Variants in PRKG1 observed in about 807,000 individuals in gnomAD.
The protein encoded by PRKG1 is cGMP-dependent protein kinase 1.
PRKG1 carries 35 observed loss-of-function variants against 88.1 expected under a neutral mutation model. The ratio of observed to expected loss-of-function variants is 0.40; its 90% CI spans 0.30 to 0.53. The LOEUF (loss-of-function observed/expected upper bound fraction) is 0.53. Among genes scored for constraint, PRKG1 ranks in the 20% least tolerant of loss-of-function variants. The pLI, the probability that PRKG1 is intolerant of heterozygous loss-of-function variation, is 0.59. For missense variants in PRKG1, 540 were observed against 839.8 expected, an observed-to-expected ratio of 0.64 and a Z score of 4.41; for synonymous variants, 303 against 292.5, an observed-to-expected ratio of 1.04 and a Z score of -0.37.
rs189370073 is a variant in PRKG1, at chr10:51,217,248, A to G, written c.478+63918A>G. Among the ~76,000 whole-genome samples the G allele has an allele frequency of 4.2e-3, 645 of 152,256 alleles. 3 individuals carry two copies. Among genetic ancestry groups the G allele is most frequent in the African/African-American group, 0.015 (607 of 41,566 alleles). On this transcript the variant is annotated intron_variant, in intron 2 of 17. Coordinates refer to ENST00000373980, the MANE Select transcript of PRKG1 (RefSeq NM_006258.4). Reference sequence around the variant, plus strand: ...AAATTACACCTGGAAATATTCTCTGAGTTTACATGAGAGAAGGGAATGGCT... The same window carrying G: ...AAATTACACCTGGAAATATTCTCTGGGTTTACATGAGAGAAGGGAATGGCT...
At chr10:51,147,629 G>A (rs370672502) in intron 1 of PRKG1, among the ~76,000 whole-genome samples, 167 of 152,206 alleles carry the variant, frequency 1.1e-3, no homozygotes, top group African/African-American at 3.7e-3. Flanking sequence ...GAAGGCAATT[G>A]ACAATTGGTA....
chr10:51,557,252 C>T (rs1312071166), intron 3 of PRKG1, among the ~76,000 whole-genome samples: 1 of 151,950 alleles, frequency 6.6e-6, no homozygotes, highest in East Asian at 1.9e-4. Flanking sequence ...GATAACTAAG[C>T]TCATAAGGAG....
chr10:51,866,110 T>C (rs567419425), intron 4 of PRKG1, among the ~76,000 whole-genome samples: 14 of 152,076 alleles, frequency 9.2e-5, no homozygotes, highest in Non-Finnish European at 1.8e-4. Context: ...TTGACTGATA[T>C]GTTGTATTCA....
chr10:51,415,307 T>A (rs1409342363), intron 2 of PRKG1, among the ~76,000 whole-genome samples: 1 of 152,200 alleles, frequency 6.6e-6, no homozygotes, highest in African/African-American at 2.4e-5. Flanking sequence ...TTGTACTCAT[T>A]TTACACATAA....
rs76523662 is a variant in PRKG1, at chr10:51,786,546, A to G, written c.593-18039A>G. ...TCCCTCACCACTAGGGCTAGGTTTG[A>G]TGTTCCTGTGGGAGGCTCCCCACAC... On this transcript the variant is annotated intron_variant, in intron 3 of 17. Transcript: ENST00000373980. Among the ~76,000 whole-genome samples the G allele has an allele frequency of 3.3e-3, 507 of 152,084 alleles. 2 individuals carry two copies. The highest frequency in any genetic ancestry group is 5.8e-3 in the Non-Finnish European group (391 of 67,984).
chr10:51,723,029 T>C (rs917803672), intron 3 of PRKG1, among the ~76,000 whole-genome samples: 10 of 152,186 alleles, frequency 6.6e-5, no homozygotes, highest in Non-Finnish European at 1.5e-4. Flanking sequence ...TAACATCAGG[T>C]TTTGGCTCTT....
intron 3 of PRKG1, among the ~76,000 whole-genome samples, chr10:51,640,566 T>C (rs889321622): frequency 3.3e-5 from 5 of 152,286 alleles, no homozygotes; most frequent in African/African-American, 1.2e-4. Flanking sequence ...ATTTGTCCTT[T>C]TGCAGCTGTG....
At chr10:51,922,778 T>C (rs2132983383) in intron 5 of PRKG1, among the ~76,000 whole-genome samples, 1 of 152,178 alleles carries the variant, frequency 6.6e-6, no homozygotes, top group African/African-American at 2.4e-5. Context: ...ATTTTTATTC[T>C]TTTGAATTTG....
intron 2 of PRKG1, among the ~76,000 whole-genome samples, chr10:51,187,833 T>C (rs1193637140): frequency 6.6e-6 from 1 of 152,048 alleles, no homozygotes; most frequent in Non-Finnish European, 1.5e-5. Context: ...TTTTTTTATG[T>C]GCTTCAGTTC....
At chr10:52,140,755 T>C (rs1365431030) in intron 8 of PRKG1, among the ~76,000 whole-genome samples, 1 of 152,036 alleles carries the variant, frequency 6.6e-6, no homozygotes, top group Non-Finnish European at 1.5e-5. Flanking sequence ...AGCAAACCCT[T>C]GCAGGCACCA....
chr10:51,235,248 A>G (rs188276218), intron 2 of PRKG1, among the ~76,000 whole-genome samples: 8 of 152,244 alleles, frequency 5.3e-5, no homozygotes, highest in Non-Finnish European at 7.4e-5. Flanking sequence ...AAAGGCAGAT[A>G]TTTGCTTACT....
intron 1 of PRKG1, among the ~76,000 whole-genome samples, chr10:51,080,534 T>C (rs1366056865): frequency 1.3e-5 from 2 of 152,274 alleles, no homozygotes; most frequent in Non-Finnish European, 2.9e-5. Context: ...ATCTCTACCA[T>C]AGGTGCTGCA....
intron 2 of PRKG1, among the ~76,000 whole-genome samples, chr10:51,435,313 T>C (rs1332975396): frequency 6.6e-6 from 1 of 151,978 alleles, no homozygotes; most frequent in Non-Finnish European, 1.5e-5. Context: ...TTTAAGACAA[T>C]ATTGGCCTCA....
At chr10:51,737,740 AATTATT>A (rs200144590) in intron 3 of PRKG1, among the ~76,000 whole-genome samples, 28 of 133,416 alleles carry the variant, frequency 2.1e-4, no homozygotes, top group Non-Finnish European at 2.8e-4. Flanking sequence ...TTTATTTATT[AATTATT>A]ATTATTATTA....
intron 3 of PRKG1, among the ~76,000 whole-genome samples, chr10:51,781,031 C>T (rs535647588): frequency 2.6e-5 from 4 of 151,824 alleles, no homozygotes; most frequent in South Asian, 2.1e-4. Flanking sequence ...ATGGAAATGG[C>T]GTATTGGGAA....
chr10:51,651,453 C>T (rs1220956040), intron 3 of PRKG1, among the ~76,000 whole-genome samples: 1 of 152,046 alleles, frequency 6.6e-6, no homozygotes, highest in Non-Finnish European at 1.5e-5. Context: ...GTCACTTCCT[C>T]TAGGAAGTCT....
intron 2 of PRKG1, among the ~76,000 whole-genome samples, chr10:51,235,178 C>A (rs1838952227): frequency 6.6e-6 from 1 of 152,158 alleles, no homozygotes; most frequent in Non-Finnish European, 1.5e-5. Context: ...GCTTTCAACT[C>A]CCTGGCCAAG....
chr10:51,575,635 AT>A (rs1326501010), intron 3 of PRKG1, among the ~76,000 whole-genome samples: 1 of 151,970 alleles, frequency 6.6e-6, no homozygotes, highest in Non-Finnish European at 1.5e-5. Context: ...TATAAAAACT[AT>A]ATAGATTATA....
intron 5 of PRKG1, among the ~76,000 whole-genome samples, chr10:51,919,062 G>A (rs1371436364): frequency 1.3e-5 from 2 of 152,084 alleles, no homozygotes; most frequent in Non-Finnish European, 2.9e-5. Flanking sequence ...CAAACAACGT[G>A]GTGCAGGAGA....
Sources: allele counts gnomAD v4.1 joint callset (sites outside exome capture counted in the v4.1 genomes callset), GRCh38; gene constraint gnomAD v4.1.1; transcripts MANE v1.5; gene names NCBI Gene and HGNC (gene_info 2026-07-23, HGNC 2026-07-21).